DLGAP2: variants seen among roughly 807,000 people sequenced by gnomAD.
DLGAP2 encodes disks large-associated protein 2.
In DLGAP2, 26 loss-of-function variants were observed where a neutral mutation model predicts 100.3. The ratio of observed to expected loss-of-function variants is 0.26; its 90% confidence interval spans 0.19 to 0.36. The LOEUF is 0.36. Among genes scored for constraint, DLGAP2 ranks in the 10% least tolerant of loss-of-function variants. The pLI, the probability that DLGAP2 is intolerant of heterozygous loss-of-function variation, is 1.00. For missense variants in DLGAP2, 1,858 were observed against 1,453.2 expected (o/e 1.28, Z -4.53); for synonymous variants, 886 against 630.1 (o/e 1.41, Z -6.08).
intron 1 of DLGAP2, among the ~76,000 whole-genome samples, chr8:884,800 T>C (rs1797889721): frequency 6.6e-6 from 1 of 152,242 alleles, no homozygotes; most frequent in South Asian, 2.1e-4. Flanking sequence ...CTTGAGTTAA[T>C]TTTTGTATAA....
At chr8:828,806 A>G (rs987880587) in intron 1 of DLGAP2, among the ~76,000 whole-genome samples, 3 of 152,188 alleles carry the variant, frequency 2.0e-5, no homozygotes, top group Non-Finnish European at 4.4e-5. Flanking sequence ...ATGTCCATAA[A>G]ATCTTCACAA....
intron 2 of DLGAP2, among the ~76,000 whole-genome samples, chr8:926,800 G>A (rs1028726147): frequency 6.6e-6 from 1 of 152,262 alleles, no homozygotes; most frequent in Non-Finnish European, 1.5e-5. Flanking sequence ...CACAGGAGCC[G>A]TCACACAGCG....
chr8:1,145,751 T>G (rs1427070851), intron 2 of DLGAP2, among the ~76,000 whole-genome samples: 1 of 144,808 alleles, frequency 6.9e-6, no homozygotes, highest in Non-Finnish European at 1.5e-5. Flanking sequence ...CTCCTAATGC[T>G]ATCCCTCCCC....
chr8:1,178,004 G>A (rs547101428), intron 2 of DLGAP2, among the ~76,000 whole-genome samples: 5 of 152,324 alleles, frequency 3.3e-5, no homozygotes, highest in African/African-American at 1.2e-4. Context: ...TGTGGCCGTG[G>A]CCAGTGGTGG....
At chr8:833,536 T>A (rs1486891385) in intron 1 of DLGAP2, among the ~76,000 whole-genome samples, 1 of 152,188 alleles carries the variant, frequency 6.6e-6, no homozygotes. Context: ...TCTCTGATGC[T>A]GCATCTCTGG....
intron 4 of DLGAP2, among the ~76,000 whole-genome samples, chr8:1,524,626 C>T (rs939765258): frequency 2.0e-5 from 3 of 152,058 alleles, no homozygotes. Context: ...TTTGTGTCCC[C>T]ATATCATCTT....
At chr8:1,430,127 A>G (rs1027337145) in intron 3 of DLGAP2, among the ~76,000 whole-genome samples, 2 of 149,112 alleles carry the variant, frequency 1.3e-5, no homozygotes, top group Non-Finnish European at 3.0e-5. Flanking sequence ...GCCTTTTAGG[A>G]TAATTTTATG....
Position 1,650,840 on chromosome 8 carries a change from A to G in DLGAP2, c.1811-17489A>G, listed in dbSNP as rs55932516. On this transcript the variant is annotated intron_variant, in intron 8 of 14. Transcript: ENST00000637795. The stretch of plus-strand genomic sequence containing the variant: ...TTGGGTGACAGTTGCTGGAGCAGAG[A>G]TGGGAGGAGAGTAGACACAGAAGCT... Among the ~76,000 whole-genome samples the G allele has an allele frequency of 8.5e-4, 106 of 124,502 alleles. 2 individuals carry two copies. The highest frequency in any genetic ancestry group is 1.8e-3 in the South Asian group (8 of 4,392). 81.7% of individuals were successfully genotyped at this position (124,502 alleles called of 152,430 possible).
intron 3 of DLGAP2, among the ~76,000 whole-genome samples, chr8:1,458,479 C>T (rs939433676): frequency 2.6e-5 from 4 of 152,178 alleles, no homozygotes; most frequent in Non-Finnish European, 2.9e-5. Context: ...CAAATGCCAT[C>T]TTCCTATGGT....
intron 2 of DLGAP2, among the ~76,000 whole-genome samples, chr8:1,064,107 C>G (rs1803172051): frequency 6.6e-6 from 1 of 152,174 alleles, no homozygotes; most frequent in South Asian, 2.1e-4. Context: ...TATGGGAAAG[C>G]TTTAGGTCAT....
intron 3 of DLGAP2, chr8:1,369,480 G>C (rs1233759523): frequency 6.6e-6 from 1 of 152,116 alleles, no homozygotes; most frequent in East Asian, 1.9e-4. Flanking sequence ...GAATCTGGGG[G>C]CCACATTTCA....
chr8:838,225 C>G (rs1796918623), intron 1 of DLGAP2, among the ~76,000 whole-genome samples: 2 of 151,928 alleles, frequency 1.3e-5, no homozygotes, highest in South Asian at 2.1e-4. Context: ...CTTTTAAGTT[C>G]TTAATGTTTT....
chr8:854,369 C>G (rs528298584), intron 1 of DLGAP2, among the ~76,000 whole-genome samples: 15 of 152,108 alleles, frequency 9.9e-5, no homozygotes, highest in Non-Finnish European at 1.6e-4. Context: ...AGAGTGGGCT[C>G]TGTCTTGGTC....
intron 4 of DLGAP2, among the ~76,000 whole-genome samples, chr8:1,504,849 C>A (rs1242745013): frequency 1.3e-5 from 2 of 152,182 alleles, no homozygotes; most frequent in African/African-American, 2.4e-5. Flanking sequence ...AGAGCAGATA[C>A]CCCTTCCACA....
intron 1 of DLGAP2, among the ~76,000 whole-genome samples, chr8:769,558 G>C (rs1412217672): frequency 3.3e-5 from 5 of 152,156 alleles, no homozygotes; most frequent in Non-Finnish European, 2.9e-5. Context: ...AGTTTGGGAA[G>C]GAACAGAGAA....
intron 2 of DLGAP2, among the ~76,000 whole-genome samples, chr8:1,069,064 G>A (rs1383325557): frequency 1.3e-5 from 2 of 152,220 alleles, no homozygotes; most frequent in African/African-American, 2.4e-5. Flanking sequence ...TGAAGTTGGC[G>A]GGTAGCACTG....
chr8:840,041 G>A (rs1796953407), intron 1 of DLGAP2, among the ~76,000 whole-genome samples: 1 of 95,100 alleles, frequency 1.1e-5, no homozygotes, highest in South Asian at 5.5e-4. Context: ...GCGTCCACAC[G>A]GTGCACGCCT....
At chr8:1,284,379 C>T (rs1799880623) in intron 3 of DLGAP2, among the ~76,000 whole-genome samples, 1 of 152,056 alleles carries the variant, frequency 6.6e-6, no homozygotes, top group African/African-American at 2.4e-5. Context: ...TTAAAATGAT[C>T]CCATCAGTAA....
chr8:1,039,238 C>G (rs1802224938), intron 2 of DLGAP2, among the ~76,000 whole-genome samples: 1 of 150,582 alleles, frequency 6.6e-6, no homozygotes, highest in African/African-American at 2.5e-5. Flanking sequence ...CCGTGGTCAG[C>G]TCGGTGTGCG....
Sources: gnomAD v4.1 joint callset for allele counts (sites outside exome capture counted in the v4.1 genomes callset) on GRCh38, gnomAD v4.1.1 for gene constraint, MANE v1.5 for transcripts, NCBI Gene and HGNC (gene_info 2026-07-23, HGNC 2026-07-21) for gene names.